Variants in PIK3C2G observed in about 807,000 individuals in gnomAD.
PIK3C2G encodes the protein phosphatidylinositol 3-kinase C2 domain-containing subunit gamma.
A neutral mutation model predicts 181.1 loss-of-function variants in PIK3C2G; 168 were observed. The ratio of observed to expected loss-of-function variants is 0.93; its 90% confidence interval spans 0.82 to 1.05. The LOEUF (loss-of-function observed/expected upper bound fraction) is 1.05. Among genes scored for constraint, PIK3C2G ranks in the 50% least tolerant of loss-of-function variants. The pLI is 0.00. For synonymous variants in PIK3C2G, 573 were observed against 592.2 expected, an observed-to-expected ratio of 0.97 and a Z score of 0.47; for missense variants, 1,869 against 1,732.8, an observed-to-expected ratio of 1.08 and a Z score of -1.40.
intron 18 of PIK3C2G, among the ~76,000 whole-genome samples, chr12:18,468,758 A>C (rs1297048269): frequency 1.3e-5 from 2 of 152,242 alleles, no homozygotes; most frequent in East Asian, 3.9e-4. Context: ...AATGAATTTC[A>C]TAAAAAATAA....
At chr12:18,467,834 T>C (rs1938060757) in intron 18 of PIK3C2G, among the ~76,000 whole-genome samples, 1 of 151,904 alleles carries the variant, frequency 6.6e-6, no homozygotes, top group Non-Finnish European at 1.5e-5. Flanking sequence ...AGAGCACAAG[T>C]GGAAATCCCC....
chr12:18,537,398 T>C (rs1943916854), intron 24 of PIK3C2G, among the ~76,000 whole-genome samples: 2 of 152,044 alleles, frequency 1.3e-5, no homozygotes, highest in Admixed American at 1.3e-4. Flanking sequence ...TCCAATCCTC[T>C]CTCTGCTATT....
chr12:18,245,559 C>A (rs1948031259), upstream of PIK3C2G, among the ~76,000 whole-genome samples: 1 of 152,028 alleles, frequency 6.6e-6, no homozygotes, highest in Admixed American at 6.6e-5. Flanking sequence ...ATGTTCCCAT[C>A]TAAATTTTTT....
upstream of PIK3C2G, among the ~76,000 whole-genome samples, chr12:18,246,738 T>C (rs1230689960): frequency 6.6e-6 from 1 of 152,152 alleles, no homozygotes; most frequent in Non-Finnish European, 1.5e-5. Flanking sequence ...TGGGGAAGTA[T>C]TGTAATTTAC....
chr12:18,671,734 T>C, the PIK3C2G span, among the ~76,000 whole-genome samples: 965 of 152,224 alleles, frequency 6.3e-3, 3 homozygotes, highest in Non-Finnish European at 0.011. Context: ...TGAATTTTTT[T>C]CCAAAATGCA....
chr12:18,282,455 C>T lies in PIK3C2G; in HGVS notation c.374C>T (p.Ser125Phe), dbSNP rs764761797. ...CCTCAAAATACGAATAAAGAATGCT[C>T]CTGGGGAAGCCCCATAGGAAAACAT... ...PKPQNTNKEC[S>F]WGSPIGKHHG... The change falls in exon 2 of 33, where the codon TCC becomes TTC. Residue 125 changes from serine (S) to phenylalanine (F), a missense_variant. Transcript: ENST00000538779. 33 of 1,592,214 alleles carry T rather than the reference C, an allele frequency of 2.1e-5. No individual in the cohort carries two copies. In the East Asian group the frequency reaches 7.0e-4, roughly 34 times the overall value.
rs79247100 is a variant in PIK3C2G, at chr12:18,346,694, A to G, written c.1483A>G (p.Asn495Asp). The G allele has an allele frequency of 7.4e-4, 1,190 of 1,613,310 alleles. 10 individuals carry two copies. In the African/African-American group the frequency reaches 0.014, roughly 19 times the overall value. ...ELSTSIYQLI[N>D]VYCNSFYADF... Reference sequence around the variant, plus strand: ...ATCCACATCCATCTACCAGCTAATCAATGTCTACTGTAACAGCTTTTATGC... The same window carrying G: ...ATCCACATCCATCTACCAGCTAATCGATGTCTACTGTAACAGCTTTTATGC... Residue 495 changes from asparagine to aspartate, a missense_variant, in exon 11 of 33, where the codon AAT (asparagine) becomes GAT (aspartate). Coordinates refer to ENST00000538779, the MANE Select transcript of PIK3C2G (RefSeq NM_001288772.2).
At chr12:18,368,922 G>T (rs1474813867) in intron 12 of PIK3C2G, among the ~76,000 whole-genome samples, 1 of 152,122 alleles carries the variant, frequency 6.6e-6, no homozygotes, top group Non-Finnish European at 1.5e-5. Flanking sequence ...GGTAAAAACT[G>T]CTCCCTAGGC....
chr12:18,725,625 A>G, the PIK3C2G span, among the ~76,000 whole-genome samples: 2 of 152,082 alleles, frequency 1.3e-5, no homozygotes, highest in Admixed American at 1.3e-4. Flanking sequence ...CCCCAACTGT[A>G]TTGTGTAGCA....
chr12:18,573,648 A>G (rs1013530184), intron 29 of PIK3C2G, among the ~76,000 whole-genome samples: 5 of 152,198 alleles, frequency 3.3e-5, no homozygotes, highest in African/African-American at 1.2e-4. Context: ...TGTTTCAATT[A>G]TTCTCATTAG....
chr12:18,639,105 G>A (rs1949730075), intron 31 of PIK3C2G, among the ~76,000 whole-genome samples: 1 of 151,918 alleles, frequency 6.6e-6, no homozygotes, highest in Non-Finnish European at 1.5e-5. Context: ...CTCCAATAAA[G>A]TACCGGTCCT....
downstream of PIK3C2G, among the ~76,000 whole-genome samples, chr12:18,650,319 C>CTATATA (rs1327950260): frequency 3.1e-5 from 3 of 96,780 alleles, no homozygotes; most frequent in African/African-American, 1.7e-4. Flanking sequence ...CTCTCTCTCT[C>CTATATA]TCTCTCTCTC....
intron 1 of PIK3C2G, among the ~76,000 whole-genome samples, chr12:18,266,958 A>T (rs1298012089): frequency 6.6e-6 from 1 of 152,030 alleles, no homozygotes; most frequent in Non-Finnish European, 1.5e-5. Context: ...ACATATGCAG[A>T]TGTAATATGC....
chr12:18,557,666 CATT>C (rs944036765), intron 26 of PIK3C2G, among the ~76,000 whole-genome samples: 2 of 151,948 alleles, frequency 1.3e-5, no homozygotes, highest in Non-Finnish European at 2.9e-5. Flanking sequence ...CAGCCACTAC[CATT>C]ATTTGCAGGT....
chr12:18,371,441 A>G lies in PIK3C2G; in HGVS notation c.1880+130A>G, dbSNP rs574349035. ...TTCTAAAATTGACATAGTTCAATAT[A>G]AATCGTGACTGCTGAAATCAGAACT... On this transcript the variant is annotated intron_variant, in intron 13 of 32. Transcript: ENST00000538779. 2.9e-5 allele frequency: 21 copies of G among 717,532 alleles called. No individual in the cohort carries two copies. In the East Asian group the frequency reaches 5.5e-4, roughly 19 times the overall value. 44.4% of individuals were successfully genotyped at this position (717,532 alleles called of 1,614,324 possible). A position where few individuals can be genotyped will look rare whatever the true frequency, so the allele number is the denominator to read the frequency against.
At chr12:18,261,807 T>G (rs1157454533) in intron 1 of PIK3C2G, among the ~76,000 whole-genome samples, 1 of 152,074 alleles carries the variant, frequency 6.6e-6, no homozygotes, top group Non-Finnish European at 1.5e-5. Context: ...AATAAACTTA[T>G]TCTTTCTCTC....
intron 6 of PIK3C2G, 103 bp from the exon 7 acceptor site, chr12:18,320,859 C>A: frequency 1.5e-6 from 1 of 680,308 alleles, no homozygotes. Context: ...TGAGGTTTAT[C>A]AAAATAGGTG....
chr12:18,268,511 G>C (rs1458121248), intron 1 of PIK3C2G, among the ~76,000 whole-genome samples: 1 of 151,900 alleles, frequency 6.6e-6, no homozygotes, highest in Non-Finnish European at 1.5e-5. Flanking sequence ...TTTTTACAAA[G>C]TTTTCTGAAT....
intron 30 of PIK3C2G, among the ~76,000 whole-genome samples, chr12:18,597,331 A>C (rs1219795054): frequency 6.6e-6 from 1 of 152,154 alleles, no homozygotes; most frequent in Non-Finnish European, 1.5e-5. Context: ...TATTAAATAA[A>C]GGCAGCTGCT....
Sources: gnomAD v4.1 joint callset for allele counts (sites outside exome capture counted in the v4.1 genomes callset) on GRCh38, gnomAD v4.1.1 for gene constraint, MANE v1.5 for transcripts, NCBI Gene and HGNC (gene_info 2026-07-23, HGNC 2026-07-21) for gene names.